LRRK1: variants seen among roughly 807,000 people sequenced by gnomAD.
LRRK1 encodes leucine-rich repeat serine/threonine-protein kinase 1.
In LRRK1, 113 loss-of-function variants were observed where a neutral mutation model predicts 209.1. That is an observed-to-expected ratio of 0.54 (90% CI 0.46 to 0.63). The LOEUF (loss-of-function observed/expected upper bound fraction) is 0.63. LRRK1 is among the 30% of genes least tolerant of loss of function. The pLI is 0.00. For missense variants in LRRK1, 2,284 were observed against 2,632.2 expected (o/e 0.87, Z 2.89); for synonymous variants, 1,144 against 1,099.7 (o/e 1.04, Z -0.80).
chr15:101,010,981 C>G (rs2033208215), intron 9 of LRRK1, 144 bp downstream of exon 9: 2 of 694,358 alleles, frequency 2.9e-6, no homozygotes, highest in Non-Finnish European at 4.7e-6. Flanking sequence ...TTGTAAGCAT[C>G]GTCACTCAGC....
At chr15:101,067,360 C>G (rs747082232) in intron 33 of LRRK1, 2 of 446,568 alleles carry the variant, frequency 4.5e-6, no homozygotes, top group African/African-American at 2.0e-5. Flanking sequence ...TGTTTACACC[C>G]CGCACTTTGA....
intron 12 of LRRK1, among the ~76,000 whole-genome samples, chr15:101,017,750 T>A (rs765838535): frequency 1.5e-4 from 23 of 152,028 alleles, no homozygotes; most frequent in African/African-American, 5.6e-4. Context: ...CGGTCCGTGG[T>A]GCCAAAAAGG....
chr15:100,931,839 C>T (rs1439430097), intron 2 of LRRK1, among the ~76,000 whole-genome samples: 1 of 152,190 alleles, frequency 6.6e-6, no homozygotes, highest in South Asian at 2.1e-4. Context: ...CCTGACTCCT[C>T]CCTGAAGGTT....
intron 2 of LRRK1, among the ~76,000 whole-genome samples, chr15:100,965,436 T>C (rs1256479329): frequency 6.6e-6 from 1 of 152,246 alleles, no homozygotes; most frequent in Admixed American, 6.5e-5. Context: ...TGCTTCTTTA[T>C]GTAGGAACTT....
intron 4 of LRRK1, among the ~76,000 whole-genome samples, chr15:100,985,714 G>A (rs527776588): frequency 6.6e-6 from 1 of 152,356 alleles, no homozygotes; most frequent in Admixed American, 6.5e-5. Flanking sequence ...GCTCCCAGGA[G>A]CATCGTATCT....
intron 3 of LRRK1, among the ~76,000 whole-genome samples, chr15:100,979,801 C>G (rs1455855): frequency 0.5 from 75,592 of 151,986 alleles, 19,367 homozygotes; most frequent in South Asian, 0.6. Context: ...GGAAGATACA[C>G]AGATGGCAAA....
chr15:100,973,366 G>A (rs2031060456), intron 2 of LRRK1, among the ~76,000 whole-genome samples: 1 of 152,232 alleles, frequency 6.6e-6, no homozygotes, highest in Non-Finnish European at 1.5e-5. Context: ...TCTGGGCAGG[G>A]CGGGAAAGCG....
At chr15:101,061,556 C>G (rs757933773) in intron 30 of LRRK1, among the ~76,000 whole-genome samples, 2 of 152,194 alleles carry the variant, frequency 1.3e-5, no homozygotes, top group African/African-American at 4.8e-5. Flanking sequence ...CAGCAGGAGA[C>G]GAGACCCAGG....
rs759668167 is a variant in LRRK1 at position 100,973,817 on chromosome 15, G to C, written c.111G>C (p.Thr37=). The part of the protein sequence containing the change: ...AMETLNGAGD[T]GGKPSTRGGD... ...CCTCCCGCGCAGGTGCCGGGGACAC[G>C]GGCGGCAAGCCGTCCACGCGGGGCG... The change falls in exon 3 of 34, where the codon ACG becomes ACC. Residue 37 remains threonine (T), a synonymous_variant. Coordinates refer to ENST00000388948, the MANE Select transcript of LRRK1 (RefSeq NM_024652.6). 4 of 1,291,682 alleles carry C rather than the reference G, an allele frequency of 3.1e-6. No homozygotes were observed. The highest frequency in any genetic ancestry group is 3.9e-6 in the Non-Finnish European group (4 of 1,017,028). The allele number at this position is 1,291,682 out of a possible 1,614,324, so 80.0% of individuals were successfully genotyped here.
At chr15:100,974,229 CA>C (rs1324840885) in intron 3 of LRRK1, 2 of 359,972 alleles carry the variant, frequency 5.6e-6, no homozygotes, top group Non-Finnish European at 9.9e-6. Flanking sequence ...ATGTAAAGAA[CA>C]AAATGCCACC....
chr15:101,053,157 C>T, intron 25 of LRRK1, 66 bp from the exon 26 acceptor site: 2 of 1,591,372 alleles, frequency 1.3e-6, no homozygotes, highest in East Asian at 2.2e-5. Flanking sequence ...TCTGTGCGGC[C>T]TTAGAGAGGC....
intron 20 of LRRK1, among the ~76,000 whole-genome samples, chr15:101,036,707 A>G (rs2034507168): frequency 6.6e-6 from 1 of 151,564 alleles, no homozygotes; most frequent in Non-Finnish European, 1.5e-5. Flanking sequence ...CCTTACATTG[A>G]TATCTGTGCA....
At chr15:101,044,825 G>A (rs549080432) in intron 20 of LRRK1, among the ~76,000 whole-genome samples, 3 of 152,350 alleles carry the variant, frequency 2.0e-5, no homozygotes, top group South Asian at 4.1e-4. Flanking sequence ...CAGCAGGCAC[G>A]GCCCAGGGCC....
rs2036332166 is a variant in LRRK1, at chr15:101,063,678, G to A, written c.4914+988G>A. 3.8e-5 allele frequency among the ~76,000 whole-genome samples: 5 copies of A among 131,124 alleles called. No homozygotes were observed. In the South Asian group the frequency reaches 1.3e-3, roughly 33 times the overall value. The allele number at this position is 131,124 out of a possible 152,430, so 86.0% of individuals were successfully genotyped here. A position where few individuals can be genotyped will look rare whatever the true frequency, so the allele number is the denominator to read the frequency against. On this transcript the variant is annotated intron_variant, in intron 31 of 33. Transcript: ENST00000388948. ...TCCAGTTTGCCCATCTACAAAACAG[G>A]TATAAGAAGAGACAGAAGGCCTAGC...
chr15:101,013,570 C>CA (rs2033384201), intron 10 of LRRK1, among the ~76,000 whole-genome samples: 1 of 152,148 alleles, frequency 6.6e-6, no homozygotes, highest in African/African-American at 2.4e-5. Flanking sequence ...GCTATGATCA[C>CA]ACCGCTGCAC....
rs542579330 is a variant in LRRK1, at chr15:101,066,210, G to A, written c.5768+5G>A. Reference sequence around the variant, plus strand: ...AGACCTCATTTGGGTCCCCAGGTACGTTTCCCGAGGTGAGGGCACCATCCA... The same window carrying A: ...AGACCTCATTTGGGTCCCCAGGTACATTTCCCGAGGTGAGGGCACCATCCA... On this transcript the variant is annotated splice_donor_5th_base_variant and intron_variant, in intron 32 of 33. Coordinates refer to ENST00000388948, the MANE Select transcript of LRRK1 (RefSeq NM_024652.6). The A allele has an allele frequency of 6.1e-5, 98 of 1,596,168 alleles. No individual in the cohort carries two copies. In the Admixed American group the frequency reaches 6.4e-4, roughly 10 times the overall value.
intron 1 of LRRK1, among the ~76,000 whole-genome samples, chr15:100,921,937 C>T (rs750111453): frequency 6.6e-6 from 1 of 152,146 alleles, no homozygotes; most frequent in South Asian, 2.1e-4. Context: ...AGGGTGATCT[C>T]GAACTCCTGA....
Position 100,959,444 on chromosome 15 carries a change from C to T in LRRK1, c.98-14360C>T, listed in dbSNP as rs113105778. 7.6e-3 allele frequency among the ~76,000 whole-genome samples: 1,160 copies of T among 152,332 alleles called. 19 individuals are homozygous for T. Among genetic ancestry groups the T allele is most frequent in the African/African-American group, 0.025 (1,044 of 41,578 alleles). ...AGAGGCAGCCCGCTGGGAAATTCTG[C>T]AAGTCCTTTCTGGGGTGCACCCCTG... On this transcript the variant is annotated intron_variant, in intron 2 of 33. Transcript: ENST00000388948.
rs558849329 is a variant in LRRK1 at position 100,987,437 on chromosome 15, C to T, written c.434-1197C>T. On this transcript the variant is annotated intron_variant, in intron 4 of 33. Transcript: ENST00000388948. ...AGATATTGTAACATTTCAGCCCACA[C>T]TGCCCCCGTCAATTCAATGTGCTAA... is the stretch of plus-strand genomic sequence containing the variant. 5.4e-4 allele frequency among the ~76,000 whole-genome samples: 82 copies of T among 152,296 alleles called. 1 individual carries two copies. The South Asian group carries it at 0.017, about 32-fold the overall frequency.
Sources: allele counts gnomAD v4.1 joint callset (sites outside exome capture counted in the v4.1 genomes callset), GRCh38; gene constraint gnomAD v4.1.1; transcripts MANE v1.5; gene names NCBI Gene and HGNC (gene_info 2026-07-23, HGNC 2026-07-21).